The following CNTN5 variants were observed in gnomAD, a reference collection of about 807,000 sequenced individuals.
CNTN5 encodes contactin-5.
A neutral mutation model predicts 129.1 loss-of-function variants in CNTN5; 77 were observed. That is an observed-to-expected ratio of 0.60 (90% CI 0.50 to 0.72). The LOEUF is 0.72. Ranked by LOEUF, CNTN5 falls within the 30% of genes least tolerant of loss-of-function variation. CNTN5 has a pLI of 0.00. For synonymous variants in CNTN5, 509 were observed against 465.6 expected (o/e 1.09, Z -1.20); for missense variants, 1,478 against 1,328.8 (o/e 1.11, Z -1.75).
At chr11:99,515,499 G>A (rs7945549) in intron 2 of CNTN5, among the ~76,000 whole-genome samples, 10,008 of 152,012 alleles carry the variant, frequency 0.066, 363 homozygotes, top group African/African-American at 0.098. Flanking sequence ...TGTATTTCAT[G>A]CCTGCGTTGA....
chr11:99,642,851 A>G (rs1045639894), intron 3 of CNTN5, among the ~76,000 whole-genome samples: 2 of 152,172 alleles, frequency 1.3e-5, no homozygotes, highest in Non-Finnish European at 2.9e-5. Flanking sequence ...ATGAGGTATT[A>G]GCCCTGTGCT....
intron 18 of CNTN5, among the ~76,000 whole-genome samples, chr11:100,285,814 CG>C (rs1433949995): frequency 6.6e-6 from 1 of 152,098 alleles, no homozygotes; most frequent in Admixed American, 6.5e-5. Context: ...ACGCAGAAGA[CG>C]GGTGATTTCT....
chr11:99,650,718 T>C (rs1399090172), intron 3 of CNTN5, among the ~76,000 whole-genome samples: 1 of 151,936 alleles, frequency 6.6e-6, no homozygotes, highest in Non-Finnish European at 1.5e-5. Context: ...ACAAATGAAA[T>C]AATACTCAGT....
chr11:99,671,611 A>T (rs948478258), intron 3 of CNTN5, among the ~76,000 whole-genome samples: 1 of 152,216 alleles, frequency 6.6e-6, no homozygotes, highest in Non-Finnish European at 1.5e-5. Context: ...GGGCTGAGGC[A>T]CATTATCGAA....
intron 16 of CNTN5, among the ~76,000 whole-genome samples, chr11:100,233,015 T>C (rs1949526090): frequency 6.6e-6 from 1 of 152,144 alleles, no homozygotes; most frequent in African/African-American, 2.4e-5. Flanking sequence ...TAGAGAGGTT[T>C]AAGAATGTCA....
intron 17 of CNTN5, among the ~76,000 whole-genome samples, chr11:100,269,421 T>C (rs902723384): frequency 1.2e-4 from 18 of 152,104 alleles, no homozygotes; most frequent in Admixed American, 2.0e-4. Context: ...GGAGAGGAAA[T>C]GTTAAGAGAC....
chr11:99,819,258 C>T (rs1165565054), intron 3 of CNTN5, among the ~76,000 whole-genome samples: 2 of 142,680 alleles, frequency 1.4e-5, no homozygotes, highest in Non-Finnish European at 3.0e-5. Flanking sequence ...TTTCTTCCTT[C>T]CCTTCTGCCA....
At chr11:99,932,384 G>A (rs1441921636) in intron 7 of CNTN5, among the ~76,000 whole-genome samples, 1 of 151,886 alleles carries the variant, frequency 6.6e-6, no homozygotes, top group Non-Finnish European at 1.5e-5. Context: ...GTAGAGACGG[G>A]GTTTCTCCAT....
chr11:99,780,469 G>A (rs1945274782), intron 3 of CNTN5, among the ~76,000 whole-genome samples: 1 of 151,994 alleles, frequency 6.6e-6, no homozygotes, highest in Admixed American at 6.6e-5. Context: ...TAAAGGTCGG[G>A]TTGAGAATAA....
At chr11:99,802,102 G>C (rs899896093) in intron 3 of CNTN5, among the ~76,000 whole-genome samples, 1 of 152,114 alleles carries the variant, frequency 6.6e-6, no homozygotes, top group African/African-American at 2.4e-5. Flanking sequence ...TCCACCCAGG[G>C]TGTATGACTG....
intron 2 of CNTN5, among the ~76,000 whole-genome samples, chr11:99,527,292 T>C (rs1184722077): frequency 6.6e-6 from 1 of 152,208 alleles, no homozygotes; most frequent in African/African-American, 2.4e-5. Flanking sequence ...GGGTTTCCTT[T>C]CTGATTGACC....
chr11:99,474,307 CAA>C (rs1482337661), intron 2 of CNTN5, among the ~76,000 whole-genome samples: 2 of 151,760 alleles, frequency 1.3e-5, no homozygotes, highest in Non-Finnish European at 2.9e-5. Context: ...CTAAAACCAT[CAA>C]AAAAATACCC....
intron 3 of CNTN5, among the ~76,000 whole-genome samples, chr11:99,735,204 A>G (rs569931934): frequency 2.5e-5 from 3 of 120,580 alleles, no homozygotes; most frequent in African/African-American, 1.1e-4. Context: ...TGTGTTAGTT[A>G]AACAAATTAT....
intron 2 of CNTN5, among the ~76,000 whole-genome samples, chr11:99,468,519 A>G (rs1162588645): frequency 6.6e-6 from 1 of 152,080 alleles, no homozygotes; most frequent in Non-Finnish European, 1.5e-5. Flanking sequence ...CCTTACATAC[A>G]CTGGTCTATA....
At chr11:99,202,267 T>G (rs190863544) in intron 1 of CNTN5, among the ~76,000 whole-genome samples, 112 of 152,326 alleles carry the variant, frequency 7.4e-4, no homozygotes, top group Non-Finnish European at 1.5e-3. Context: ...AATTAACATT[T>G]ACTTAGTGCC....
chr11:99,253,650 T>C (rs73534973), intron 1 of CNTN5, among the ~76,000 whole-genome samples: 17,013 of 151,764 alleles, frequency 0.11, 971 homozygotes, highest in South Asian at 0.13. Context: ...AATATGATCA[T>C]TCTATTTCTT....
chr11:99,093,045 A>G (rs532848638), intron 1 of CNTN5, among the ~76,000 whole-genome samples: 39 of 152,214 alleles, frequency 2.6e-4, no homozygotes, highest in Middle Eastern at 3.4e-3. Flanking sequence ...TTATTTGTAT[A>G]GAATTTCTAT....
intron 3 of CNTN5, among the ~76,000 whole-genome samples, chr11:99,688,103 GTTAT>G (rs1476519390): frequency 6.6e-6 from 1 of 152,056 alleles, no homozygotes; most frequent in African/African-American, 2.4e-5. Context: ...ATTCACCCTG[GTTAT>G]TTATTTCTTA....
At chr11:99,215,841 G>T (rs1860087487) in intron 1 of CNTN5, among the ~76,000 whole-genome samples, 1 of 152,130 alleles carries the variant, frequency 6.6e-6, no homozygotes, top group South Asian at 2.1e-4. Flanking sequence ...TGAAAATCTG[G>T]TGAGATGCTT....
Sources: gnomAD v4.1 joint callset for allele counts (sites outside exome capture counted in the v4.1 genomes callset) on GRCh38, gnomAD v4.1.1 for gene constraint, MANE v1.5 for transcripts, NCBI Gene and HGNC (gene_info 2026-07-23, HGNC 2026-07-21) for gene names.